DHX36: variants seen among roughly 807,000 people sequenced by gnomAD.
DHX36 encodes the protein DEAH-box helicase 36, also known as ATP-dependent DNA/RNA helicase DHX36.
A neutral mutation model predicts 139.0 loss-of-function variants in DHX36; 50 were observed. The observed-to-expected ratio is 0.36, with a 90% CI of 0.29 to 0.46. The LOEUF (loss-of-function observed/expected upper bound fraction) is 0.46, where lower values mean the gene tolerates loss of function less well. DHX36 is among the 20% of genes least tolerant of loss of function. The pLI is 1.00. For missense variants in DHX36, 1,024 were observed against 1,211.3 expected, an observed-to-expected ratio of 0.85 and a Z score of 2.29; for synonymous variants, 425 against 401.9, an observed-to-expected ratio of 1.06 and a Z score of -0.69.
intron 6 of DHX36, 128 bp downstream of exon 6, chr3:154,306,088 G>C: frequency 1.5e-6 from 1 of 664,364 alleles, no homozygotes; most frequent in Non-Finnish European, 2.5e-6. Flanking sequence ...CTACGCTGCA[G>C]TTACTTTAAA....
chr3:154,299,398 C>A (rs951872829), intron 12 of DHX36, among the ~76,000 whole-genome samples: 1 of 152,076 alleles, frequency 6.6e-6, no homozygotes, highest in East Asian at 1.9e-4. Flanking sequence ...TCATTCATTT[C>A]TCTAGAGTTT....
intron 19 of DHX36, 77 bp from the exon 20 acceptor site, chr3:154,283,348 G>T: frequency 1.0e-6 from 1 of 986,288 alleles, no homozygotes; most frequent in East Asian, 2.4e-5. Context: ...CTTTACTTTA[G>T]TAAAAGCTTA....
At position 154,280,563 on chromosome 3, in the gene DHX36, A is replaced by C. The variant is rs1719301828; in HGVS notation, c.2567+16T>G. The C allele has an allele frequency of 1.3e-6, 2 of 1,545,130 alleles. No individual in the cohort carries two copies. Among genetic ancestry groups the C allele is most frequent in the South Asian group, 2.3e-5 (2 of 87,260 alleles). On this transcript the variant is annotated intron_variant, in intron 22 of 24. Coordinates refer to ENST00000496811, the MANE Select transcript of DHX36 (RefSeq NM_020865.3). ...AAGAGAATTACGAGTAATTAATAAT[A>C]ATCTTCAATGCTTACATTTTTCTTT...
At chr3:154,280,544 A>C (rs1719299974) in intron 22 of DHX36, 35 bp downstream of exon 22, 1 of 1,457,104 alleles carries the variant, frequency 6.9e-7, no homozygotes. Flanking sequence ...TAAGAAGAGA[A>C]TTACGAGTAA....
chr3:154,298,305 C>T (rs947059334), intron 12 of DHX36, among the ~76,000 whole-genome samples: 4 of 151,994 alleles, frequency 2.6e-5, no homozygotes, highest in African/African-American at 9.7e-5. Flanking sequence ...TATAAGTACA[C>T]TATACAATAA....
chr3:154,304,743 A>G (rs1326263811), intron 8 of DHX36, 63 bp downstream of exon 8: 2 of 1,265,412 alleles, frequency 1.6e-6, no homozygotes, highest in African/African-American at 1.5e-5. Flanking sequence ...CTAGTACCAT[A>G]TTAATTTTTT....
chr3:154,291,129 C>T (rs1464121806), intron 15 of DHX36, among the ~76,000 whole-genome samples: 7 of 67,294 alleles, frequency 1.0e-4, no homozygotes, highest in South Asian at 7.6e-4. Flanking sequence ...AGCGAGACTC[C>T]GTCTCAAAAA....
rs769660438 is a variant in DHX36 at position 154,309,780 on chromosome 3, C to T, written c.686G>A (p.Ser229Asn). ...LIDNHQVTVISGETGCGKTTQ... is the reference protein window; with the variant it reads ...LIDNHQVTVINGETGCGKTTQ... Reference sequence around the variant, plus strand: ...GGTTTTGCCACAACCAGTTTCACCACTTATTACTGTTACCTGATGGTTATC... The same window carrying T: ...GGTTTTGCCACAACCAGTTTCACCATTTATTACTGTTACCTGATGGTTATC... The change falls in exon 5 of 25, where the codon AGT becomes AAT. Residue 229 changes from serine (S) to asparagine (N), a missense_variant. Around this residue, in one of 4 missense-constraint regions of DHX36, gnomAD observed 146 missense variants for 215.0 expected, o/e 0.68. Transcript: ENST00000496811. 5 of 1,611,768 alleles carry T rather than the reference C, an allele frequency of 3.1e-6. No individual in the cohort carries two copies. The Admixed American group carries it at 8.4e-5, about 27-fold the overall frequency.
In DHX36 at chr3:154,306,287, T is replaced by C. The variant is rs2108356666; in HGVS notation, c.822A>G (p.Glu274=). ...ATTCTGCCCTTTCTGCAGCTACTCT[T>C]TCCGCAACCTTTAATTCAAATAAAA... is the stretch of plus-strand genomic sequence containing the variant. ...PRRISAISVA[E]RVAAERAESC... is the part of the protein sequence containing the mutation. The change falls in exon 6 of 25, where the codon GAA becomes GAG. Residue 274 remains glutamate, a synonymous_variant. Transcript: ENST00000496811. 6.2e-7 allele frequency: 1 copy of C among 1,612,830 alleles called. No homozygotes were observed. The highest frequency in any genetic ancestry group is 1.3e-5 in the African/African-American group (1 of 75,034).
At chr3:154,314,244 C>T (rs946170335) in intron 3 of DHX36, among the ~76,000 whole-genome samples, 2 of 152,222 alleles carry the variant, frequency 1.3e-5, no homozygotes, top group Non-Finnish European at 2.9e-5. Context: ...TGGACAACCT[C>T]AGCTTATCTA....
intron 20 of DHX36, 67 bp from the exon 21 acceptor site, chr3:154,280,929 T>G: frequency 8.6e-7 from 1 of 1,156,278 alleles, no homozygotes; most frequent in African/African-American, 1.5e-5. Flanking sequence ...AACCATACAC[T>G]AATAGATAAA....
chr3:154,312,852 A>T (rs1411104220), intron 3 of DHX36, among the ~76,000 whole-genome samples: 2 of 39,762 alleles, frequency 5.0e-5, no homozygotes, highest in African/African-American at 8.0e-5. Context: ...AAATAATTAA[A>T]ATATATATAT....
intron 1 of DHX36, 47 bp downstream of exon 1, chr3:154,324,127 G>A: frequency 6.5e-7 from 1 of 1,544,572 alleles, no homozygotes; most frequent in Non-Finnish European, 8.8e-7. Flanking sequence ...GGAGAGAGAA[G>A]AAAACCTGTG....
In DHX36 at chr3:154,309,749, T is replaced by C. The variant is rs1352493529; in HGVS notation, c.717A>G (p.Gln239=). The C allele has an allele frequency of 2.5e-6, 4 of 1,612,904 alleles. No homozygotes were observed. The highest frequency in any genetic ancestry group is 1.3e-5 in the African/African-American group (1 of 74,848). Residue 239 remains glutamine, a synonymous_variant, in exon 5 of 25, where the codon CAA becomes CAG. Coordinates refer to ENST00000496811, the MANE Select transcript of DHX36 (RefSeq NM_020865.3). ...SGETGCGKTT[Q]VTQFILDNYI... is the part of the protein sequence containing the mutation. ...AGTTATCCAAAATGAACTGAGTAAC[T>C]TGAGTGGTTTTGCCACAACCAGTTT...
intron 9 of DHX36, 39 bp downstream of exon 9, chr3:154,303,290 G>C: frequency 7.2e-7 from 1 of 1,388,474 alleles, no homozygotes; most frequent in Non-Finnish European, 1.0e-6. Flanking sequence ...TGATATATTA[G>C]TACTTTTTAA....
At position 154,316,072 on chromosome 3, in the gene DHX36, G is replaced by A; in HGVS notation, c.335C>T (p.Ala112Val). 3 of 1,613,176 alleles carry A rather than the reference G, an allele frequency of 1.9e-6. No homozygotes were observed. Among genetic ancestry groups the A allele is most frequent in the East Asian group, 2.2e-5 (1 of 44,822 alleles). The change falls in exon 2 of 25, where the codon GCA (alanine) becomes GTA (valine). Residue 112 changes from alanine to valine, a missense_variant. Transcript: ENST00000496811. ...CTCAGGAGCAAACCAGGATATCTGT[G>A]CTTCTGACTCTTTATCATTCTTCGC... ...VQAKNDKESE[A>V]QISWFAPEDH...
At chr3:154,318,737 G>A (rs928277936) in intron 1 of DHX36, among the ~76,000 whole-genome samples, 9 of 151,994 alleles carry the variant, frequency 5.9e-5, no homozygotes, top group African/African-American at 1.9e-4. Context: ...GTTAACAGTG[G>A]GTAGATCTTT....
chr3:154,310,834 T>TAC (rs1559957800), intron 4 of DHX36, among the ~76,000 whole-genome samples: 3 of 73,086 alleles, frequency 4.1e-5, no homozygotes, highest in African/African-American at 1.6e-4. Context: ...TATATATATA[T>TAC]ATATATATAT....
At chr3:154,308,450 A>G (rs1181587840) in intron 5 of DHX36, among the ~76,000 whole-genome samples, 1 of 152,162 alleles carries the variant, frequency 6.6e-6, no homozygotes, top group Non-Finnish European at 1.5e-5. Context: ...AGCATAAATA[A>G]ATTCACTATG....
Sources: gnomAD v4.1 joint callset for allele counts (sites outside exome capture counted in the v4.1 genomes callset) on GRCh38, gnomAD v4.1.1 for gene constraint, gnomAD v4.1.1 regional missense constraint, MANE v1.5 for transcripts, NCBI Gene and HGNC (gene_info 2026-07-23, HGNC 2026-07-21) for gene names.